Variants in TAS2R1 observed in about 807,000 individuals in gnomAD.
TAS2R1 encodes the protein taste receptor type 2 member 1.
For missense variants in TAS2R1, 370 were observed against 353.4 expected, an observed-to-expected ratio of 1.05 and a Z score of -0.38; for synonymous variants, 141 against 134.2, an observed-to-expected ratio of 1.05 and a Z score of -0.35.
chr5:9,762,063 C>A, the TAS2R1 span, among the ~76,000 whole-genome samples: 5 of 152,074 alleles, frequency 3.3e-5, no homozygotes, highest in African/African-American at 9.7e-5. Context: ...GACAAAAGGG[C>A]TCACCAAAAA....
At chr5:9,690,979 G>C (rs1412167339) in intron 1 of TAS2R1, among the ~76,000 whole-genome samples, 4 of 152,192 alleles carry the variant, frequency 2.6e-5, no homozygotes, top group South Asian at 2.1e-4. Flanking sequence ...ACTCGACAAA[G>C]TGTGCGTAGC....
At position 9,628,399 on chromosome 5, in the gene TAS2R1, C is replaced by T. The variant is rs1342447633; in HGVS notation, c.*734G>A. 6.6e-6 allele frequency among the ~76,000 whole-genome samples: 1 copy of T among 152,152 alleles called. No homozygotes were observed. Among genetic ancestry groups the T allele is most frequent in the Non-Finnish European group, 1.5e-5 (1 of 68,026 alleles). On this transcript the variant is annotated 3_prime_UTR_variant, in exon 1 of 1. Coordinates refer to ENST00000382492, the MANE Select transcript of TAS2R1 (RefSeq NM_019599.3). Reference sequence around the variant, plus strand: ...GTTATTGTCTGTTCAGAGTGCACAGCTAGGAGAAATGGAAAACAGGCATTC... The same window carrying T: ...GTTATTGTCTGTTCAGAGTGCACAGTTAGGAGAAATGGAAAACAGGCATTC...
chr5:9,808,741 C>T, the TAS2R1 span, among the ~76,000 whole-genome samples: 2 of 152,138 alleles, frequency 1.3e-5, no homozygotes, highest in Non-Finnish European at 2.9e-5. Context: ...GAAGATGATT[C>T]AGAGATTATT....
chr5:9,776,066 A>G, the TAS2R1 span, among the ~76,000 whole-genome samples: 58 of 152,128 alleles, frequency 3.8e-4, no homozygotes, highest in Middle Eastern at 3.4e-3. Context: ...TTGATTCAGA[A>G]CCCCAGAACA....
At chr5:9,719,254 A>G in the TAS2R1 span, among the ~76,000 whole-genome samples, 1 of 151,968 alleles carries the variant, frequency 6.6e-6, no homozygotes, top group Non-Finnish European at 1.5e-5. Context: ...GTGTGTGTGT[A>G]CACAGAGAAA....
intron 1 of TAS2R1, among the ~76,000 whole-genome samples, chr5:9,704,778 AAG>A (rs1741566261): frequency 6.6e-6 from 1 of 152,222 alleles, no homozygotes; most frequent in Admixed American, 6.5e-5. Context: ...CAAGGATGAT[AAG>A]AGAGTTGGAA....
At chr5:9,874,588 A>T in the TAS2R1 span, among the ~76,000 whole-genome samples, 4 of 152,222 alleles carry the variant, frequency 2.6e-5, no homozygotes, top group Non-Finnish European at 4.4e-5. Flanking sequence ...GTGGCAAGAC[A>T]TTGCTGCCAC....
At chr5:9,751,896 G>A in the TAS2R1 span, among the ~76,000 whole-genome samples, 6 of 152,154 alleles carry the variant, frequency 3.9e-5, no homozygotes, top group Non-Finnish European at 7.4e-5. Flanking sequence ...CATAGGTTCA[G>A]TTTAACTTGC....
At chr5:9,681,835 T>C (rs1741001483) in intron 1 of TAS2R1, among the ~76,000 whole-genome samples, 1 of 152,130 alleles carries the variant, frequency 6.6e-6, no homozygotes, top group Non-Finnish European at 1.5e-5. Context: ...TCTCAACTCA[T>C]CCCAAACCAA....
the TAS2R1 span, among the ~76,000 whole-genome samples, chr5:9,762,919 AC>A: frequency 6.6e-6 from 1 of 152,168 alleles, no homozygotes; most frequent in Admixed American, 6.5e-5. Context: ...GAAAGGAAAA[AC>A]CATGTCTCAT....
At chr5:9,826,215 C>T in the TAS2R1 span, among the ~76,000 whole-genome samples, 3 of 151,974 alleles carry the variant, frequency 2.0e-5, no homozygotes, top group African/African-American at 4.8e-5. Context: ...TATAATGATG[C>T]TAATATCATT....
the TAS2R1 span, among the ~76,000 whole-genome samples, chr5:9,758,658 CA>C: frequency 6.6e-6 from 1 of 151,896 alleles, no homozygotes; most frequent in Non-Finnish European, 1.5e-5. Context: ...GAGCAAGAAA[CA>C]AAAACAAAAC....
chr5:9,663,347 T>C (rs988790201), intron 1 of TAS2R1, among the ~76,000 whole-genome samples: 10 of 152,206 alleles, frequency 6.6e-5, no homozygotes, highest in Non-Finnish European at 7.4e-5. Flanking sequence ...TTAATTGTAT[T>C]ATATTTCTTA....
the TAS2R1 span, among the ~76,000 whole-genome samples, chr5:9,880,949 T>G: frequency 6.6e-6 from 1 of 151,900 alleles, no homozygotes; most frequent in Non-Finnish European, 1.5e-5. Flanking sequence ...CAGCCAGGGG[T>G]TTAGGGACAG....
At chr5:9,769,935 C>T in the TAS2R1 span, among the ~76,000 whole-genome samples, 1 of 152,050 alleles carries the variant, frequency 6.6e-6, no homozygotes, top group Non-Finnish European at 1.5e-5. Context: ...CCCCTTTGTC[C>T]ATTTCTGCTT....
upstream of TAS2R1, among the ~76,000 whole-genome samples, chr5:9,716,064 T>C (rs75471725): frequency 3.2e-3 from 491 of 152,308 alleles, 1 homozygote; most frequent in Middle Eastern, 0.01. Flanking sequence ...CTCCATCTCT[T>C]TGTGGCTATC....
At chr5:9,726,791 A>G in the TAS2R1 span, among the ~76,000 whole-genome samples, 1 of 152,208 alleles carries the variant, frequency 6.6e-6, no homozygotes, top group Admixed American at 6.5e-5. Flanking sequence ...GGATTTCCCA[A>G]ATTTAAAACT....
At chr5:9,738,946 G>A in the TAS2R1 span, among the ~76,000 whole-genome samples, 4 of 152,152 alleles carry the variant, frequency 2.6e-5, no homozygotes, top group East Asian at 5.8e-4. Flanking sequence ...CAACCTGCTG[G>A]AGAAAAAGTC....
At chr5:9,865,963 T>C in the TAS2R1 span, among the ~76,000 whole-genome samples, 63,802 of 152,108 alleles carry the variant, frequency 0.42, 15,302 homozygotes, top group African/African-American at 0.66. Flanking sequence ...AATACTTGCC[T>C]ATGATTATGT....
Sources: allele counts gnomAD v4.1 joint callset (sites outside exome capture counted in the v4.1 genomes callset), GRCh38; gene constraint gnomAD v4.1.1; transcripts MANE v1.5; gene names NCBI Gene and HGNC (gene_info 2026-07-23, HGNC 2026-07-21).